Variants in WASHC2A observed in about 807,000 individuals in gnomAD.
WASHC2A encodes the protein WASH complex subunit FAM21A.
A neutral mutation model predicts 140.3 loss-of-function variants in WASHC2A; 82 were observed. That is an observed-to-expected ratio of 0.58 (90% CI 0.49 to 0.70). The LOEUF (loss-of-function observed/expected upper bound fraction) is 0.70. WASHC2A is among the 30% of genes least tolerant of loss of function. The pLI is 0.00. For missense variants in WASHC2A, 985 were observed against 1,521.8 expected, an observed-to-expected ratio of 0.65 and a Z score of 5.87; for synonymous variants, 340 against 560.8, an observed-to-expected ratio of 0.61 and a Z score of 5.56.
chr10:50,109,860 C>T (rs1248450792), intron 19 of WASHC2A, among the ~76,000 whole-genome samples: 1 of 152,056 alleles, frequency 6.6e-6, no homozygotes, highest in African/African-American at 2.4e-5. Context: ...AGCTCTGCCT[C>T]CTGGGTTCAC....
chr10:50,086,405 A>G (rs1178180055), intron 7 of WASHC2A, among the ~76,000 whole-genome samples: 3 of 151,924 alleles, frequency 2.0e-5, no homozygotes, highest in Non-Finnish European at 4.4e-5. Context: ...CGTAGCAACT[A>G]TTGATGTCCC....
At chr10:50,081,936 A>T (rs1428100282) in intron 5 of WASHC2A, among the ~76,000 whole-genome samples, 5 of 152,078 alleles carry the variant, frequency 3.3e-5, no homozygotes. Context: ...CCCAGCCTGA[A>T]CCACTCTTCT....
chr10:50,131,351 C>T, intron 30 of WASHC2A: 1 of 622,554 alleles, frequency 1.6e-6, no homozygotes. Flanking sequence ...CCTCACCAAT[C>T]ATCTGTGACA....
intron 3 of WASHC2A, among the ~76,000 whole-genome samples, chr10:50,074,944 A>ATAAG (rs1368936215): frequency 7.9e-5 from 12 of 151,704 alleles, no homozygotes; most frequent in African/African-American, 2.7e-4. Context: ...AAATAAATAA[A>ATAAG]TAATTGAACC....
intron 11 of WASHC2A, among the ~76,000 whole-genome samples, chr10:50,092,938 G>C (rs1423195416): frequency 1.4e-5 from 2 of 144,680 alleles, no homozygotes; most frequent in African/African-American, 5.1e-5. Flanking sequence ...CCTTCCCCCA[G>C]ATTGGTTGGG....
intron 10 of WASHC2A, among the ~76,000 whole-genome samples, chr10:50,091,769 G>A (rs1383212040): frequency 2.6e-5 from 4 of 152,130 alleles, no homozygotes; most frequent in Non-Finnish European, 5.9e-5. Flanking sequence ...TATAATTTCA[G>A]GGGATTAATA....
In WASHC2A at chr10:50,132,794, T is replaced by C; in HGVS notation, c.3887-12T>C. 6.2e-7 allele frequency: 1 copy of C among 1,612,076 alleles called. No individual in the cohort carries two copies. The highest frequency in any genetic ancestry group is 1.3e-5 in the African/African-American group (1 of 74,996). On this transcript the variant is annotated splice_polypyrimidine_tract_variant and intron_variant, in intron 30 of 30. Coordinates refer to ENST00000282633, the MANE Select transcript of WASHC2A (RefSeq NM_001005751.3). ...CCTCTTCAGCAACCGTTCTTCTTTT[T>C]TCTTTCTAAAGATGACATCTTCTCC...
intron 21 of WASHC2A, among the ~76,000 whole-genome samples, chr10:50,114,530 CAA>C (rs1212563688): frequency 3.3e-4 from 36 of 109,940 alleles, no homozygotes; most frequent in Non-Finnish European, 4.7e-4. Flanking sequence ...TACTGCAGGC[CAA>C]AAAAAAAAAA....
chr10:50,068,053 C>T, intron 1 of WASHC2A, 45 bp downstream of exon 1: 6 of 1,608,144 alleles, frequency 3.7e-6, no homozygotes, highest in Non-Finnish European at 5.1e-6. Context: ...GCTGGGGCCG[C>T]CGTCCCTGCC....
At chr10:50,103,025 C>G (rs1489729891) in intron 17 of WASHC2A, among the ~76,000 whole-genome samples, 9 of 150,938 alleles carry the variant, frequency 6.0e-5, no homozygotes, top group Non-Finnish European at 1.3e-4. Context: ...CACCACCACA[C>G]CTGGCTAATC....
intron 8 of WASHC2A, among the ~76,000 whole-genome samples, chr10:50,089,612 G>A (rs1839695220): frequency 6.6e-6 from 1 of 152,120 alleles, no homozygotes; most frequent in Non-Finnish European, 1.5e-5. Flanking sequence ...AAACACATCT[G>A]TTTCCATAGA....
intron 8 of WASHC2A, among the ~76,000 whole-genome samples, chr10:50,089,464 A>C (rs1278956676): frequency 6.6e-6 from 1 of 151,540 alleles, no homozygotes; most frequent in Non-Finnish European, 1.5e-5. Context: ...AGTAGTGTGT[A>C]CCTTTGGAAA....
At chr10:50,102,933 C>A (rs1246815036) in intron 17 of WASHC2A, among the ~76,000 whole-genome samples, 3 of 151,788 alleles carry the variant, frequency 2.0e-5, no homozygotes, top group African/African-American at 7.3e-5. Flanking sequence ...ATGGTGGGAT[C>A]TTGGCTCACT....
At chr10:50,068,791 C>G (rs1260720005) in intron 2 of WASHC2A, among the ~76,000 whole-genome samples, 2 of 149,762 alleles carry the variant, frequency 1.3e-5, no homozygotes, top group Non-Finnish European at 3.0e-5. Context: ...GATCTTGGCT[C>G]ACTGAATCCT....
chr10:50,090,568 T>C (rs1284225374), intron 8 of WASHC2A, among the ~76,000 whole-genome samples: 1 of 145,736 alleles, frequency 6.9e-6, no homozygotes, highest in Non-Finnish European at 1.5e-5. Context: ...TTTATATATA[T>C]TTTTATATAT....
At chr10:50,070,437 C>G (rs1406936367) in intron 3 of WASHC2A, among the ~76,000 whole-genome samples, 5 of 152,154 alleles carry the variant, frequency 3.3e-5, no homozygotes, top group Non-Finnish European at 7.3e-5. Flanking sequence ...TATCAGCATT[C>G]ATTTGTGGAA....
At chr10:50,071,333 T>G in intron 3 of WASHC2A, among the ~76,000 whole-genome samples, 3 of 142,634 alleles carry the variant, frequency 2.1e-5, no homozygotes, top group Non-Finnish European at 3.1e-5. Context: ...TGAGATGGAG[T>G]CTCACTCTGT....
At chr10:50,094,401 T>G (rs1840242155) in intron 13 of WASHC2A, among the ~76,000 whole-genome samples, 1 of 147,292 alleles carries the variant, frequency 6.8e-6, no homozygotes, top group Non-Finnish European at 1.5e-5. Context: ...ACTCCTATCC[T>G]CAAGTGATCA....
intron 25 of WASHC2A, 127 bp from the exon 26 acceptor site, chr10:50,125,930 T>C: frequency 2.8e-6 from 3 of 1,064,562 alleles, no homozygotes; most frequent in Admixed American, 2.7e-5. Context: ...TACCTTTGAG[T>C]TGGTTCAGCC....
Sources: gnomAD v4.1 joint callset for allele counts (sites outside exome capture counted in the v4.1 genomes callset) on GRCh38, gnomAD v4.1.1 for gene constraint, MANE v1.5 for transcripts, NCBI Gene and HGNC (gene_info 2026-07-23, HGNC 2026-07-21) for gene names.